TBX5: variants seen among roughly 807,000 people sequenced by gnomAD.
The protein encoded by TBX5 is T-box transcription factor 5.
A neutral mutation model predicts 51.1 loss-of-function variants in TBX5; 8 were observed. That is an observed-to-expected ratio of 0.16 (90% CI 0.09 to 0.28). The LOEUF (loss-of-function observed/expected upper bound fraction) is 0.28, where lower values mean the gene tolerates loss of function less well. Among genes scored for constraint, TBX5 ranks in the 10% least tolerant of loss-of-function variants. The pLI, the probability that TBX5 is intolerant of heterozygous loss-of-function variation, is 1.00. For missense variants in TBX5, 589 were observed against 671.7 expected, an observed-to-expected ratio of 0.88 and a Z score of 1.36; for synonymous variants, 302 against 266.4, an observed-to-expected ratio of 1.13 and a Z score of -1.30.
chr12:114,372,078 AAC>A (rs1231351450), intron 7 of TBX5, among the ~76,000 whole-genome samples: 1 of 152,186 alleles, frequency 6.6e-6, no homozygotes, highest in Admixed American at 6.5e-5. Context: ...AGCATGGAAT[AAC>A]AGACATTGGA....
chr12:114,364,091 A>G (rs1869383743), intron 8 of TBX5, among the ~76,000 whole-genome samples: 1 of 152,236 alleles, frequency 6.6e-6, no homozygotes, highest in South Asian at 2.1e-4. Flanking sequence ...AGCCCCATGT[A>G]AATACCAATG....
intron 8 of TBX5, among the ~76,000 whole-genome samples, chr12:114,361,905 G>C (rs1043381940): frequency 6.6e-6 from 1 of 152,052 alleles, no homozygotes; most frequent in African/African-American, 2.4e-5. Context: ...AGGTGAGAAG[G>C]GCAGAGTTTC....
intron 7 of TBX5, among the ~76,000 whole-genome samples, chr12:114,380,972 C>A (rs1870473633): frequency 6.6e-6 from 1 of 151,816 alleles, no homozygotes; most frequent in Non-Finnish European, 1.5e-5. Context: ...CTTGGCACAC[C>A]CTTTAATTGG....
At chr12:114,385,654 T>C in intron 6 of TBX5, 87 bp from the exon 7 acceptor site, 1 of 1,144,890 alleles carries the variant, frequency 8.7e-7, no homozygotes. Context: ...ATAAATATCA[T>C]GGAAATGCAG....
chr12:114,355,253 C>G lies in TBX5; in HGVS notation c.*279G>C. 1 of 490,558 alleles carries G rather than the reference C, an allele frequency of 2.0e-6. No individual in the cohort carries two copies. The allele number at this position is 490,558 out of a possible 1,614,324, so 30.4% of individuals were successfully genotyped here. ...GATCTGGGGAGTAGCGTGAATGTGG[C>G]TGGTTGATGGGTGTGGTGGTAGTGG... On this transcript the variant is annotated 3_prime_UTR_variant, in exon 9 of 9. Transcript: ENST00000405440.
In TBX5 at chr12:114,406,073, T is replaced by G; in HGVS notation, c.-484A>C. On this transcript the variant is annotated 5_prime_UTR_variant, in exon 1 of 9. Coordinates refer to ENST00000405440, the MANE Select transcript of TBX5 (RefSeq NM_181486.4). ...CTCTCTCACTCTCTCTCCCTCTCTC[T>G]CTCTCTCTGAAATACAAGCCAACTC... 1 of 977,158 alleles carries G rather than the reference T, an allele frequency of 1.0e-6. No individual in the cohort carries two copies. The highest frequency in any genetic ancestry group is 1.2e-6 in the Non-Finnish European group (1 of 822,582). The allele number at this position is 977,158 out of a possible 1,614,324, so 60.5% of individuals were successfully genotyped here. A position where few individuals can be genotyped will look rare whatever the true frequency, so the allele number is the denominator to read the frequency against.
chr12:114,366,605 C>T (rs1287180932), intron 7 of TBX5, among the ~76,000 whole-genome samples: 1 of 152,136 alleles, frequency 6.6e-6, no homozygotes, highest in Non-Finnish European at 1.5e-5. Flanking sequence ...ATACATTAGG[C>T]AAGTAGATTT....
At chr12:114,389,242 G>T (rs1871011185) in intron 6 of TBX5, among the ~76,000 whole-genome samples, 1 of 151,888 alleles carries the variant, frequency 6.6e-6, no homozygotes, top group South Asian at 2.1e-4. Context: ...ATTTTTTCTT[G>T]ACTCTTCTGA....
intron 1 of TBX5, among the ~76,000 whole-genome samples, chr12:114,404,245 G>A (rs963980630): frequency 6.6e-6 from 1 of 152,120 alleles, no homozygotes; most frequent in Non-Finnish European, 1.5e-5. Flanking sequence ...CAAGCTGCCC[G>A]TCAAATTTGT....
chr12:114,400,378 T>A (rs964690330), intron 3 of TBX5, among the ~76,000 whole-genome samples: 2 of 152,214 alleles, frequency 1.3e-5, no homozygotes, highest in Admixed American at 1.3e-4. Context: ...GAACTAAGAT[T>A]CAGTCGTTAT....
intron 7 of TBX5, among the ~76,000 whole-genome samples, chr12:114,377,943 T>C (rs188078652): frequency 6.6e-5 from 10 of 152,176 alleles, no homozygotes; most frequent in Non-Finnish European, 1.0e-4. Flanking sequence ...ATGGGTGGGC[T>C]TCAGTCTGGC....
intron 7 of TBX5, among the ~76,000 whole-genome samples, 165 bp downstream of exon 7, chr12:114,385,311 G>A (rs1466541870): frequency 1.3e-5 from 2 of 152,124 alleles, no homozygotes; most frequent in Admixed American, 1.3e-4. Context: ...ACATGTGAAG[G>A]TTATCAGAAA....
Position 114,385,482 on chromosome 12 carries a change from A to G in TBX5, c.749T>C (p.Met250Thr), listed in dbSNP as rs1870760108. 1.2e-6 allele frequency: 2 copies of G among 1,614,094 alleles called. No individual in the cohort carries two copies. The highest frequency in any genetic ancestry group is 1.1e-5 in the South Asian group (1 of 91,088). The change falls in exon 7 of 9, where the codon ATG (methionine) becomes ACG (threonine). Residue 250 changes from methionine (M) to threonine (T), a missense_variant. By Grantham distance (81) the Met-to-Thr change is moderately conservative. Transcript: ENST00000405440. Reference protein sequence around the residue: ...DDMELHRMSRMQSKEYPVVPR... With the variant: ...DDMELHRMSRTQSKEYPVVPR... ...GAGGAATCCACTTTCCTACCTTTGC[A>G]TTCTTGACATTCTGTGCAGCTCCAT...
At position 114,405,677 on chromosome 12, in the gene TBX5, A is replaced by G; in HGVS notation, c.-88T>C. 2.0e-6 allele frequency: 2 copies of G among 984,194 alleles called. No homozygotes were observed. The highest frequency in any genetic ancestry group is 2.4e-6 in the Non-Finnish European group (2 of 828,812). 61.0% of individuals were successfully genotyped at this position (984,194 alleles called of 1,614,324 possible). A position where few individuals can be genotyped will look rare whatever the true frequency, so the allele number is the denominator to read the frequency against. ...CACCACATCCTCTGCTGCTCCTAGC[A>G]GGGAAGCCGGCGGTGAGGCGGGGGA... is the stretch of plus-strand genomic sequence containing the variant. On this transcript the variant is annotated 5_prime_UTR_variant, in exon 1 of 9. Transcript: ENST00000405440.
chr12:114,408,181 C>T, upstream of TBX5: 3 of 985,400 alleles, frequency 3.0e-6, no homozygotes, highest in Non-Finnish European at 3.6e-6. Context: ...TTCTCTCCGT[C>T]TTCGCCTATC....
rs1868813652 is a variant in TBX5, at chr12:114,355,324, C to T, written c.*208G>A. 1 of 717,710 alleles carries T rather than the reference C, an allele frequency of 1.4e-6. No homozygotes were observed. Among genetic ancestry groups the T allele is most frequent in the Non-Finnish European group, 2.4e-6 (1 of 411,324 alleles). The allele number at this position is 717,710 out of a possible 1,614,324, so 44.5% of individuals were successfully genotyped here. On this transcript the variant is annotated 3_prime_UTR_variant, in exon 9 of 9. Transcript: ENST00000405440. ...GTGTTTGTTTTTTTAAGTTTTGAGA[C>T]AAAACAAGAAAGTCACATTTTTAAA... is the stretch of plus-strand genomic sequence containing the variant.
At chr12:114,364,713 G>C (rs934204977) in intron 8 of TBX5, among the ~76,000 whole-genome samples, 1 of 152,108 alleles carries the variant, frequency 6.6e-6, no homozygotes, top group Non-Finnish European at 1.5e-5. Flanking sequence ...CTTCTGGAGC[G>C]ATATCTGCCA....
At chr12:114,407,885 T>C (rs1872327437), upstream of TBX5, 1 of 985,398 alleles carries the variant, frequency 1.0e-6, no homozygotes, top group Non-Finnish European at 1.2e-6. Context: ...AGGGCTCAGG[T>C]GAAGACTTTG....
At chr12:114,376,538 G>A (rs909729296) in intron 7 of TBX5, among the ~76,000 whole-genome samples, 7 of 151,934 alleles carry the variant, frequency 4.6e-5, no homozygotes, top group Admixed American at 2.0e-4. Flanking sequence ...TATTCAAGAG[G>A]CAGTTATTCA....
Sources: allele counts gnomAD v4.1 joint callset (sites outside exome capture counted in the v4.1 genomes callset), GRCh38; gene constraint gnomAD v4.1.1; transcripts MANE v1.5; gene names NCBI Gene and HGNC (gene_info 2026-07-23, HGNC 2026-07-21).